CERT1: variants seen among roughly 807,000 people sequenced by gnomAD.
The protein encoded by CERT1 is ceramide transporter 1.
A neutral mutation model predicts 87.9 loss-of-function variants in CERT1; 31 were observed. That is an observed-to-expected ratio of 0.35 (90% CI 0.27 to 0.48). The LOEUF is 0.48. CERT1 is among the 20% of genes least tolerant of loss of function. The pLI, the probability that CERT1 is intolerant of heterozygous loss-of-function variation, is 0.99. For missense variants in CERT1, 487 were observed against 758.0 expected, an observed-to-expected ratio of 0.64 and a Z score of 4.20; for synonymous variants, 289 against 250.9, an observed-to-expected ratio of 1.15 and a Z score of -1.44.
intron 5 of CERT1, among the ~76,000 whole-genome samples, chr5:75,420,562 G>A (rs556611417): frequency 2.0e-5 from 3 of 152,034 alleles, no homozygotes; most frequent in South Asian, 2.1e-4. Context: ...CCAGGAATCC[G>A]GTCTCAATCT....
chr5:75,412,662 T>C lies in CERT1; in HGVS notation c.838-1559A>G, dbSNP rs562421690. ...TGACTGCACTGAATACTGAAGGCAA[T>C]TTTAACATGATGGTTAAGTATTTGT... On this transcript the variant is annotated intron_variant, in intron 7 of 16. Transcript: ENST00000643780. 2.6e-5 allele frequency among the ~76,000 whole-genome samples: 4 copies of C among 152,344 alleles called. No individual in the cohort carries two copies. In the South Asian group the frequency reaches 6.2e-4, roughly 24 times the overall value.
intron 2 of CERT1, among the ~76,000 whole-genome samples, chr5:75,479,926 C>G (rs528831970): frequency 8.5e-4 from 130 of 152,198 alleles, no homozygotes; most frequent in African/African-American, 2.9e-3. Context: ...TAAGTGTTAC[C>G]TTTTCTCTGC....
At chr5:75,503,820 T>C (rs987595918) in intron 2 of CERT1, among the ~76,000 whole-genome samples, 1 of 152,184 alleles carries the variant, frequency 6.6e-6, no homozygotes, top group Non-Finnish European at 1.5e-5. Context: ...AAGATGGATA[T>C]AAATGTTAAA....
chr5:75,385,855 T>C, intron 13 of CERT1, 47 bp downstream of exon 13: 1 of 1,329,242 alleles, frequency 7.5e-7, no homozygotes, highest in Non-Finnish European at 9.7e-7. Context: ...GGATTTGATA[T>C]TAAATTCAAA....
chr5:75,377,630 CTTCT>C, downstream of CERT1: 2 of 152,180 alleles, frequency 1.3e-5, no homozygotes, highest in African/African-American at 4.8e-5. Context: ...TATGCTGCTG[CTTCT>C]TTAACAACAA....
At chr5:75,427,418 G>A (rs1455456423) in intron 3 of CERT1, among the ~76,000 whole-genome samples, 1 of 152,154 alleles carries the variant, frequency 6.6e-6, no homozygotes, top group Non-Finnish European at 1.5e-5. Flanking sequence ...GGCCAATATG[G>A]TGAAACCCTG....
intron 11 of CERT1, among the ~76,000 whole-genome samples, chr5:75,394,301 G>A (rs1245880485): frequency 6.6e-6 from 1 of 151,854 alleles, no homozygotes; most frequent in Admixed American, 6.6e-5. Flanking sequence ...TTAGGCTAGG[G>A]GTTCAAGACC....
intron 3 of CERT1, among the ~76,000 whole-genome samples, chr5:75,427,626 T>C (rs1273770264): frequency 6.6e-6 from 1 of 152,162 alleles, no homozygotes; most frequent in Non-Finnish European, 1.5e-5. Context: ...TGAATTAATA[T>C]GCTTGTGTGG....
At chr5:75,465,631 G>C (rs1561282658) in intron 2 of CERT1, among the ~76,000 whole-genome samples, 1 of 152,184 alleles carries the variant, frequency 6.6e-6, no homozygotes, top group Non-Finnish European at 1.5e-5. Context: ...GGGTAGACTA[G>C]GCAACAAAAA....
At chr5:75,376,024 A>T, downstream of CERT1, 1 of 152,170 alleles carries the variant, frequency 6.6e-6, no homozygotes, top group Non-Finnish European at 1.5e-5. Flanking sequence ...CACAAACAAT[A>T]GACCTCTCTT....
chr5:75,373,910 TG>T, downstream of CERT1: 1 of 394,776 alleles, frequency 2.5e-6, no homozygotes, highest in Non-Finnish European at 4.5e-6. Context: ...GATTCAAAGT[TG>T]ATTTTTTTTT....
At chr5:75,440,419 T>G (rs1764272314) in intron 3 of CERT1, among the ~76,000 whole-genome samples, 1 of 152,016 alleles carries the variant, frequency 6.6e-6, no homozygotes, top group African/African-American at 2.4e-5. Flanking sequence ...TTGCAAAAAT[T>G]TGCCCACAAA....
At chr5:75,372,322 C>T (rs2111946254) in intron 17 of CERT1, 1 of 152,156 alleles carries the variant, frequency 6.6e-6, no homozygotes, top group South Asian at 2.1e-4. Context: ...TCCCCAACCC[C>T]CCCATTCTCC....
chr5:75,396,271 G>T (rs773811515), intron 11 of CERT1, among the ~76,000 whole-genome samples: 1 of 152,104 alleles, frequency 6.6e-6, no homozygotes, highest in Non-Finnish European at 1.5e-5. Context: ...GAGTAAGTAA[G>T]AATTGATTAT....
At position 75,425,495 on chromosome 5, in the gene CERT1, C is replaced by G; in HGVS notation, c.461G>C (p.Gly154Ala). 6.2e-7 allele frequency: 1 copy of G among 1,612,276 alleles called. No individual in the cohort carries two copies. Among genetic ancestry groups the G allele is most frequent in the South Asian group, 1.1e-5 (1 of 90,550 alleles). ...AGCCAACTTCTCACGTAAACTGTGG[C>G]CTTTCTGCAAAACATAAAATAGGGG... is the stretch of plus-strand genomic sequence containing the variant. ...SATSTSSFKK[G>A]HSLREKLAEM... Residue 154 changes from glycine (G) to alanine (A), a missense_variant, in exon 5 of 17, where the codon GGC becomes GCC. Physicochemically the swap from Gly to Ala is moderately conservative, Grantham distance 60 (BLOSUM62 0). Around this residue, in one of 8 missense-constraint regions of CERT1, gnomAD observed 173 missense variants for 302.2 expected, o/e 0.57. Transcript: ENST00000643780.
intron 2 of CERT1, among the ~76,000 whole-genome samples, chr5:75,482,332 A>C (rs1766284728): frequency 6.6e-6 from 1 of 152,206 alleles, no homozygotes; most frequent in Non-Finnish European, 1.5e-5. Flanking sequence ...TCATGAGGAA[A>C]GGTAAGAGAA....
At chr5:75,468,060 T>C (rs1765547212) in intron 2 of CERT1, among the ~76,000 whole-genome samples, 1 of 152,246 alleles carries the variant, frequency 6.6e-6, no homozygotes. Flanking sequence ...TAGAAATTTT[T>C]GTATTTGGTA....
intron 2 of CERT1, among the ~76,000 whole-genome samples, chr5:75,497,911 A>C (rs868795568): frequency 1.3e-5 from 2 of 152,126 alleles, no homozygotes; most frequent in African/African-American, 4.8e-5. Flanking sequence ...GTTCAGAAGA[A>C]GACAGGAAAA....
At chr5:75,449,992 T>G (rs1446660313) in intron 3 of CERT1, among the ~76,000 whole-genome samples, 1 of 152,198 alleles carries the variant, frequency 6.6e-6, no homozygotes, top group Non-Finnish European at 1.5e-5. Context: ...ACTAGCTATC[T>G]AAATATCTTC....
Sources: allele counts gnomAD v4.1 joint callset (sites outside exome capture counted in the v4.1 genomes callset), GRCh38; gene constraint gnomAD v4.1.1; regional missense constraint gnomAD v4.1.1; transcripts MANE v1.5; gene names NCBI Gene and HGNC (gene_info 2026-07-23, HGNC 2026-07-21).